MBP: variants seen among roughly 807,000 people sequenced by gnomAD.
MBP encodes myelin basic protein, also known as Golli-MBP.
In MBP, 16 loss-of-function variants were observed where a neutral mutation model predicts 35.8. That is an observed-to-expected ratio of 0.45 (90% CI 0.30 to 0.68). The LOEUF is 0.68. Among genes scored for constraint, MBP ranks in the 30% least tolerant of loss-of-function variants. The pLI is 0.08. For synonymous variants in MBP, 143 were observed against 159.6 expected, an observed-to-expected ratio of 0.90 and a Z score of 0.78; for missense variants, 380 against 404.7, an observed-to-expected ratio of 0.94 and a Z score of 0.52.
intron 4 of MBP, chr18:77,015,487 T>C: frequency 1.0e-6 from 1 of 985,434 alleles, no homozygotes; most frequent in Non-Finnish European, 1.2e-6. Context: ...GAGGGAGGAC[T>C]GCTACAAAGG....
chr18:77,120,618 C>T (rs1412739800), intron 1 of MBP, among the ~76,000 whole-genome samples: 1 of 152,170 alleles, frequency 6.6e-6, no homozygotes, highest in Non-Finnish European at 1.5e-5. Context: ...TTGTTAGTCA[C>T]GAGGTCTATC....
upstream of MBP, among the ~76,000 whole-genome samples, chr18:77,133,071 C>T (rs1218138269): frequency 1.3e-5 from 2 of 151,754 alleles, no homozygotes; most frequent in African/African-American, 4.8e-5. Context: ...CCTTCCCGTT[C>T]GGAGGCTTGG....
At chr18:77,045,397 G>C (rs1973202519) in intron 3 of MBP, among the ~76,000 whole-genome samples, 1 of 150,944 alleles carries the variant, frequency 6.6e-6, no homozygotes, top group Non-Finnish European at 1.5e-5. Flanking sequence ...GCCTGCACCA[G>C]GTCAGGGCCT....
At chr18:77,081,930 C>T (rs1292822043) in intron 2 of MBP, among the ~76,000 whole-genome samples, 1 of 151,692 alleles carries the variant, frequency 6.6e-6, no homozygotes, top group Middle Eastern at 3.2e-3. Context: ...TGGCTCACTG[C>T]AAGCTCTGCC....
At chr18:77,121,733 T>A (rs1976890244) in intron 1 of MBP, among the ~76,000 whole-genome samples, 1 of 152,204 alleles carries the variant, frequency 6.6e-6, no homozygotes, top group Non-Finnish European at 1.5e-5. Flanking sequence ...TGAAATACAA[T>A]TGATTTATAT....
In MBP at chr18:76,989,503, C is replaced by T. The variant is rs547567648; in HGVS notation, c.681+453G>A. ...TAGCAACACTGCCTTAGGGCTCTCT[C>T]GGTGCTGTGCACGCTGTGGGTTTGG... On this transcript the variant is annotated intron_variant, in intron 5 of 8. Transcript: ENST00000355994. The surrounding 1 kb of genome is among the most constrained non-coding windows in gnomAD (Gnocchi z 4.0). Among the ~76,000 whole-genome samples the T allele has an allele frequency of 6.6e-6, 1 of 152,154 alleles. No individual in the cohort carries two copies. The highest frequency in any genetic ancestry group is 6.5e-5 in the Admixed American group (1 of 15,276).
At position 76,997,684 on chromosome 18, in the gene MBP, C is replaced by A. The variant is rs577381838; in HGVS notation, c.577-7624G>T. Among the ~76,000 whole-genome samples, 398 of 150,944 alleles carry A rather than the reference C, an allele frequency of 2.6e-3. 3 individuals carry two copies. Among genetic ancestry groups the A allele is most frequent in the African/African-American group, 9.4e-3 (383 of 40,712 alleles). Reference sequence around the variant, plus strand: ...CGCGTGGACGGATGCTGCATCTGAGCCACTTTTTTTTTTTTTGAGACGGAG... The same window carrying A: ...CGCGTGGACGGATGCTGCATCTGAGACACTTTTTTTTTTTTTGAGACGGAG... On this transcript the variant is annotated intron_variant, in intron 4 of 8. Transcript: ENST00000355994.
chr18:77,030,753 G>T (rs907017575), intron 3 of MBP, among the ~76,000 whole-genome samples: 3 of 152,192 alleles, frequency 2.0e-5, no homozygotes, highest in Non-Finnish European at 4.4e-5. Flanking sequence ...TTAAAGCTAT[G>T]CTTTTTTAAA....
chr18:76,984,652 A>G, intron 8 of MBP, 123 bp downstream of exon 8: 4 of 1,371,142 alleles, frequency 2.9e-6, no homozygotes, highest in Non-Finnish European at 4.1e-6. Context: ...CTGCTGGGAC[A>G]GAGCACGTCC....
chr18:77,060,965 G>A (rs756224308), intron 3 of MBP, among the ~76,000 whole-genome samples: 10 of 152,340 alleles, frequency 6.6e-5, no homozygotes, highest in Admixed American at 1.3e-4. Flanking sequence ...CAGGCACGCA[G>A]TGCCTCAGCA....
intron 4 of MBP, chr18:77,014,387 A>G: frequency 1.0e-6 from 1 of 985,382 alleles, no homozygotes; most frequent in Non-Finnish European, 1.2e-6. Context: ...TCTGGCAGGA[A>G]TCTGCCAGGA....
chr18:77,026,303 T>C (rs75326340), intron 3 of MBP, among the ~76,000 whole-genome samples: 1,811 of 152,358 alleles, frequency 0.012, 33 homozygotes, highest in African/African-American at 0.04. Flanking sequence ...TGATACCTTC[T>C]GGGTTTGCAA....
chr18:77,007,765 A>T (rs1288757052), intron 4 of MBP, among the ~76,000 whole-genome samples: 1 of 151,894 alleles, frequency 6.6e-6, no homozygotes, highest in Non-Finnish European at 1.5e-5. Context: ...ACTTTTAACC[A>T]CCTTTCCGCG....
chr18:77,001,995 A>T (rs1263114634), intron 4 of MBP, among the ~76,000 whole-genome samples: 1 of 152,226 alleles, frequency 6.6e-6, no homozygotes, highest in African/African-American at 2.4e-5. Flanking sequence ...CAGATCACAC[A>T]TATTAACACA....
At chr18:77,041,013 G>T in intron 3 of MBP, among the ~76,000 whole-genome samples, 1 of 151,504 alleles carries the variant, frequency 6.6e-6, no homozygotes, top group East Asian at 1.9e-4. Context: ...AATGGGAGAA[G>T]ATTTTTGCAA....
intron 1 of MBP, chr18:77,108,690 C>T (rs1254882940): frequency 4.6e-5 from 7 of 152,216 alleles, no homozygotes; most frequent in Admixed American, 2.0e-4. Flanking sequence ...GTTAGGCTCT[C>T]GTTTTTAATA....
chr18:76,992,370 G>A (rs1208043133), intron 4 of MBP, among the ~76,000 whole-genome samples: 1 of 152,200 alleles, frequency 6.6e-6, no homozygotes, highest in African/African-American at 2.4e-5. Context: ...CCTGACAGGA[G>A]GCAGAGCTCA....
At chr18:77,038,233 A>G (rs1350385642) in intron 3 of MBP, among the ~76,000 whole-genome samples, 2 of 152,228 alleles carry the variant, frequency 1.3e-5, no homozygotes, top group African/African-American at 4.8e-5. Flanking sequence ...AGTTCAGTTT[A>G]AAAGAAAAGA....
intron 2 of MBP, among the ~76,000 whole-genome samples, chr18:77,066,857 G>A (rs933706416): frequency 2.0e-5 from 3 of 152,196 alleles, no homozygotes; most frequent in African/African-American, 7.2e-5. Flanking sequence ...GCTGATGTCC[G>A]GAGGCACTTT....
Sources: allele counts gnomAD v4.1 joint callset (sites outside exome capture counted in the v4.1 genomes callset), GRCh38; gene constraint gnomAD v4.1.1; non-coding constraint Gnocchi (gnomAD v3.1); transcripts MANE v1.5; gene names NCBI Gene and HGNC (gene_info 2026-07-23, HGNC 2026-07-21).